The following ASIC2 variants were observed in gnomAD, a reference collection of about 807,000 sequenced individuals.
The protein encoded by ASIC2 is acid-sensing ion channel 2.
Under a neutral mutation model 57.3 loss-of-function variants are expected in ASIC2, and 25 were observed. The observed-to-expected ratio is 0.44, with a 90% CI of 0.32 to 0.61. ASIC2 has a LOEUF of 0.61. Ranked by LOEUF, ASIC2 falls within the 20% of genes least tolerant of loss-of-function variation. The pLI is 0.06. For synonymous variants in ASIC2, 319 were observed against 307.5 expected (o/e 1.04, Z -0.39); for missense variants, 641 against 738.1 (o/e 0.87, Z 1.52).
intron 1 of ASIC2, among the ~76,000 whole-genome samples, chr17:33,548,003 A>G (rs1358903257): frequency 2.0e-5 from 3 of 152,168 alleles, no homozygotes; most frequent in Admixed American, 6.5e-5. Flanking sequence ...GTTCAGTGTC[A>G]CTCCAGCAAA....
At chr17:33,076,812 A>T (rs1289465492) in intron 3 of ASIC2, among the ~76,000 whole-genome samples, 1 of 152,226 alleles carries the variant, frequency 6.6e-6, no homozygotes, top group Admixed American at 6.5e-5. Context: ...TTCCCTCCTC[A>T]GTATAATCAT....
intron 1 of ASIC2, among the ~76,000 whole-genome samples, chr17:33,442,159 G>T (rs181564621): frequency 2.6e-5 from 4 of 152,070 alleles, no homozygotes; most frequent in African/African-American, 7.2e-5. Context: ...TGTCATTACC[G>T]TACTTTCTTG....
chr17:33,060,495 G>C (rs911539034), intron 3 of ASIC2, among the ~76,000 whole-genome samples: 4 of 149,948 alleles, frequency 2.7e-5, no homozygotes, highest in Admixed American at 1.3e-4. Context: ...ATTTCTGAGG[G>C]CTCTGTTCTG....
intron 1 of ASIC2, among the ~76,000 whole-genome samples, chr17:33,669,461 T>C (rs1907579166): frequency 1.3e-5 from 2 of 152,290 alleles, no homozygotes; most frequent in Non-Finnish European, 2.9e-5. Flanking sequence ...GGCAGGTAGA[T>C]AGACAGACAG....
chr17:33,062,100 T>C lies in ASIC2; in HGVS notation c.987+26763A>G, dbSNP rs188871513. On this transcript the variant is annotated intron_variant, in intron 3 of 9. Coordinates refer to ENST00000225823, the MANE Select transcript of ASIC2 (RefSeq NM_183377.2). ...GCAGTCTACCAGTTTTGTTGATCTT[T>C]TCAAAAAACCAGCTCCTGGATTCAC... Among the ~76,000 whole-genome samples the C allele has an allele frequency of 5.3e-5, 8 of 152,338 alleles. No individual in the cohort carries two copies. The East Asian group carries it at 1.5e-3, about 29-fold the overall frequency.
intron 1 of ASIC2, among the ~76,000 whole-genome samples, chr17:33,170,353 T>C (rs989738014): frequency 6.6e-5 from 10 of 152,188 alleles, no homozygotes; most frequent in African/African-American, 2.4e-4. Context: ...TCCCTTCAAA[T>C]AGGAAATGAT....
intron 1 of ASIC2, among the ~76,000 whole-genome samples, chr17:34,096,054 A>C (rs2142093234): frequency 6.6e-6 from 1 of 152,336 alleles, no homozygotes; most frequent in East Asian, 1.9e-4. Context: ...TTCTGACTTC[A>C]TGTCTCAACC....
chr17:33,513,012 G>A (rs1914471099), intron 1 of ASIC2, among the ~76,000 whole-genome samples: 1 of 152,186 alleles, frequency 6.6e-6, no homozygotes. Context: ...GTCCAGTCTT[G>A]TGCTCTTTGC....
At chr17:34,006,525 C>T (rs1906530449) in intron 1 of ASIC2, 2 of 152,222 alleles carry the variant, frequency 1.3e-5, no homozygotes, top group East Asian at 3.8e-4. Context: ...GAAAATCAGA[C>T]TCATATCACC....
chr17:33,447,290 G>A (rs1912062361), intron 1 of ASIC2, among the ~76,000 whole-genome samples: 1 of 152,074 alleles, frequency 6.6e-6, no homozygotes, highest in South Asian at 2.1e-4. Flanking sequence ...AGCAGAGCCA[G>A]AGTCTGTCTC....
At chr17:33,456,623 G>C (rs762375255) in intron 1 of ASIC2, among the ~76,000 whole-genome samples, 1 of 152,188 alleles carries the variant, frequency 6.6e-6, no homozygotes, top group Non-Finnish European at 1.5e-5. Flanking sequence ...TGTGGTGGGT[G>C]GGGCATCTGC....
chr17:33,301,204 T>G (rs998485788), intron 1 of ASIC2, among the ~76,000 whole-genome samples: 2 of 151,620 alleles, frequency 1.3e-5, no homozygotes, highest in Admixed American at 1.3e-4. Context: ...TAATTTTTTT[T>G]TTTTTTTGTA....
At chr17:33,280,026 A>T (rs16968208) in intron 1 of ASIC2, among the ~76,000 whole-genome samples, 7 of 152,102 alleles carry the variant, frequency 4.6e-5, no homozygotes, top group Non-Finnish European at 7.3e-5. Flanking sequence ...TCTCAGCTAC[A>T]TCATTTATTA....
intron 1 of ASIC2, among the ~76,000 whole-genome samples, chr17:33,866,191 A>G (rs981484194): frequency 6.6e-6 from 1 of 152,202 alleles, no homozygotes; most frequent in Non-Finnish European, 1.5e-5. Context: ...GCCATTACAA[A>G]TAGATTTTTA....
intron 1 of ASIC2, among the ~76,000 whole-genome samples, chr17:33,300,862 T>G (rs767903190): frequency 7.2e-5 from 11 of 152,188 alleles, no homozygotes; most frequent in Non-Finnish European, 1.3e-4. Flanking sequence ...GAAATTGAGG[T>G]AAGTTTAGTG....
intron 2 of ASIC2, among the ~76,000 whole-genome samples, chr17:33,093,163 AAAGT>A (rs2092164418): frequency 2.0e-5 from 3 of 152,206 alleles, no homozygotes. Flanking sequence ...AAAATTTATA[AAAGT>A]AAGCATTGTT....
upstream of ASIC2, among the ~76,000 whole-genome samples, chr17:33,297,870 T>C (rs1017729998): frequency 7.2e-6 from 1 of 138,236 alleles, no homozygotes; most frequent in Non-Finnish European, 1.6e-5. Flanking sequence ...AAATAAATAA[T>C]AAAGTTTATT....
intron 3 of ASIC2, among the ~76,000 whole-genome samples, chr17:33,057,544 C>A (rs1175908018): frequency 6.6e-6 from 1 of 152,234 alleles, no homozygotes; most frequent in African/African-American, 2.4e-5. Flanking sequence ...GCAGGGCTGG[C>A]TTTGTTGTGA....
intron 1 of ASIC2, among the ~76,000 whole-genome samples, chr17:33,737,061 A>G (rs1909936458): frequency 6.6e-6 from 1 of 152,248 alleles, no homozygotes; most frequent in African/African-American, 2.4e-5. Context: ...GAGACACCAC[A>G]ATCTATTCAT....
Sources: allele counts gnomAD v4.1 joint callset (sites outside exome capture counted in the v4.1 genomes callset), GRCh38; gene constraint gnomAD v4.1.1; transcripts MANE v1.5; gene names NCBI Gene and HGNC (gene_info 2026-07-23, HGNC 2026-07-21).